Variants in METTL22 observed in about 807,000 individuals in gnomAD.
METTL22 encodes methyltransferase-like protein 22.
Under a neutral mutation model 48.4 loss-of-function variants are expected in METTL22, and 51 were observed. The observed-to-expected ratio is 1.05, with a 90% CI of 0.84 to 1.33. The LOEUF (loss-of-function observed/expected upper bound fraction) is 1.33. Among genes scored for constraint, METTL22 ranks in the 40% most tolerant of loss-of-function variants. The pLI is 0.00. For missense variants in METTL22, 678 were observed against 526.9 expected, an observed-to-expected ratio of 1.29 and a Z score of -2.81; for synonymous variants, 255 against 214.1, an observed-to-expected ratio of 1.19 and a Z score of -1.67.
chr16:8,653,273 C>A (rs2056924694), downstream of METTL22, among the ~76,000 whole-genome samples: 1 of 152,182 alleles, frequency 6.6e-6, no homozygotes, highest in African/African-American at 2.4e-5. Flanking sequence ...GTTAAAATCA[C>A]AAGGGACAAC....
At chr16:8,636,506 G>T (rs1353752199) in intron 5 of METTL22, among the ~76,000 whole-genome samples, 3 of 127,842 alleles carry the variant, frequency 2.3e-5, no homozygotes, top group Non-Finnish European at 3.2e-5. Context: ...GGGCCACAGA[G>T]TGAGACTCTG....
rs781069397 is a variant in METTL22, at chr16:8,642,525, T to C, written c.970T>C (p.Leu324=). 7 of 1,614,214 alleles carry C rather than the reference T, an allele frequency of 4.3e-6. No individual in the cohort carries two copies. Among genetic ancestry groups the C allele is most frequent in the Admixed American group, 1.7e-5 (1 of 60,030 alleles). The change falls in exon 9 of 11, where the codon TTG becomes CTG. Residue 324 remains leucine (L), a synonymous_variant. Coordinates refer to ENST00000381920, the MANE Select transcript of METTL22 (RefSeq NM_024109.4). The part of the protein sequence containing the change: ...FKTLSRLAHR[L]KNACTAILSV... Reference sequence around the variant, plus strand: ...AACGCTCTCCCGACTCGCCCACAGATTGAAAAATGCCTGCACAGCCATACT... The same window carrying C: ...AACGCTCTCCCGACTCGCCCACAGACTGAAAAATGCCTGCACAGCCATACT...
the METTL22 span, among the ~76,000 whole-genome samples, chr16:8,655,091 C>A: frequency 6.6e-6 from 1 of 152,196 alleles, no homozygotes; most frequent in Non-Finnish European, 1.5e-5. Context: ...GGGAAAGGAA[C>A]TGTATTATCT....
chr16:8,644,394 A>G (rs2056718052), intron 9 of METTL22, 163 bp from the exon 10 acceptor site: 2 of 628,922 alleles, frequency 3.2e-6, no homozygotes, highest in Middle Eastern at 3.7e-4. Flanking sequence ...GTGCAGATGT[A>G]GGAAGGAATT....
intron 10 of METTL22, 89 bp from the exon 11 acceptor site, chr16:8,646,019 C>A: frequency 1.0e-5 from 16 of 1,586,442 alleles, no homozygotes; most frequent in Non-Finnish European, 1.4e-5. Flanking sequence ...TGTCTAACTA[C>A]TCTCCTTGGT....
chr16:8,639,513 A>G (rs1160933512), intron 6 of METTL22: 1 of 271,356 alleles, frequency 3.7e-6, no homozygotes, highest in Non-Finnish European at 7.2e-6. Flanking sequence ...AGTCCACTTC[A>G]CTTGCTGCTG....
intron 5 of METTL22, 50 bp downstream of exon 5, chr16:8,635,362 C>T: frequency 6.7e-7 from 1 of 1,487,458 alleles, no homozygotes; most frequent in Non-Finnish European, 8.9e-7. Context: ...CTTCACAAAG[C>T]ATGCACTGAC....
intron 5 of METTL22, among the ~76,000 whole-genome samples, chr16:8,638,281 G>A (rs1460068362): frequency 6.6e-6 from 1 of 152,210 alleles, no homozygotes; most frequent in Non-Finnish European, 1.5e-5. Flanking sequence ...GACCCCTGGG[G>A]TGCAGATGTT....
downstream of METTL22, among the ~76,000 whole-genome samples, chr16:8,650,177 A>G (rs1457803039): frequency 1.3e-5 from 2 of 152,198 alleles, no homozygotes; most frequent in Non-Finnish European, 2.9e-5. Context: ...CTTTTTTTTA[A>G]TTAGCCAGGT....
intron 3 of METTL22, 22 bp downstream of exon 3, chr16:8,629,132 C>G (rs758200099): frequency 6.3e-7 from 1 of 1,599,194 alleles, no homozygotes; most frequent in Admixed American, 1.7e-5. Context: ...TGTGATGTGG[C>G]CCACCTGTCA....
intron 5 of METTL22, among the ~76,000 whole-genome samples, chr16:8,637,606 C>CT (rs1286446676): frequency 6.6e-6 from 1 of 152,226 alleles, no homozygotes; most frequent in African/African-American, 2.4e-5. Flanking sequence ...TCCACAGCTG[C>CT]TGATGAGACC....
chr16:8,663,225 A>AAAAAAAAGT, the METTL22 span, among the ~76,000 whole-genome samples: 14,159 of 122,350 alleles, frequency 0.12, 937 homozygotes, highest in African/African-American at 0.15. Context: ...AAAAAAAAAA[A>AAAAAAAAGT]GGTAGCCAAG....
downstream of METTL22, among the ~76,000 whole-genome samples, chr16:8,650,493 C>T (rs2056879085): frequency 6.6e-6 from 1 of 152,240 alleles, no homozygotes. Flanking sequence ...TGAATGGGTA[C>T]AAACTTAGGG....
At position 8,646,086 on chromosome 16, in the gene METTL22, T is replaced by G. The variant is rs185521737; in HGVS notation, c.1180-22T>G. The G allele has an allele frequency of 1.7e-4, 270 of 1,613,124 alleles. 1 individual carries two copies. The highest frequency in any genetic ancestry group is 1.1e-3 in the Middle Eastern group (6 of 5,226). On this transcript the variant is annotated intron_variant, in intron 10 of 10. Coordinates refer to ENST00000381920, the MANE Select transcript of METTL22 (RefSeq NM_024109.4). ...CTTGTATGTGCACTTCAGAAACCTG[T>G]TCTTTTCTCTGTTTGCTGCAGGAGC...
chr16:8,662,837 C>T, the METTL22 span, among the ~76,000 whole-genome samples: 7 of 144,642 alleles, frequency 4.8e-5, no homozygotes, highest in African/African-American at 1.8e-4. Context: ...ACTACTAGTA[C>T]TTACTTCTCA....
intron 9 of METTL22, among the ~76,000 whole-genome samples, chr16:8,643,837 C>G (rs1192402654): frequency 6.6e-6 from 1 of 152,176 alleles, no homozygotes; most frequent in Admixed American, 6.5e-5. Flanking sequence ...TGGTCTCAAA[C>G]TCCTGACCTC....
At chr16:8,629,581 A>G (rs2056184821) in intron 3 of METTL22, among the ~76,000 whole-genome samples, 1 of 152,100 alleles carries the variant, frequency 6.6e-6, no homozygotes, top group Non-Finnish European at 1.5e-5. Flanking sequence ...ATGAAAATGA[A>G]TGGGGCGTGG....
intron 3 of METTL22, among the ~76,000 whole-genome samples, chr16:8,631,069 C>A (rs1156826251): frequency 6.6e-6 from 1 of 152,120 alleles, no homozygotes; most frequent in Non-Finnish European, 1.5e-5. Context: ...TTGAAACATG[C>A]CCAGTGAGCG....
intron 5 of METTL22, among the ~76,000 whole-genome samples, chr16:8,637,602 G>A (rs1387456277): frequency 6.6e-6 from 1 of 152,248 alleles, no homozygotes; most frequent in Non-Finnish European, 1.5e-5. Context: ...GTCATCCACA[G>A]CTGCTGATGA....
Sources: allele counts gnomAD v4.1 joint callset (sites outside exome capture counted in the v4.1 genomes callset), GRCh38; gene constraint gnomAD v4.1.1; transcripts MANE v1.5; gene names NCBI Gene and HGNC (gene_info 2026-07-23, HGNC 2026-07-21).